Variants in F13A1 observed in about 807,000 individuals in gnomAD.
F13A1 encodes the protein FSF, A subunit.
Under a neutral mutation model 80.1 loss-of-function variants are expected in F13A1, and 47 were observed. That is an observed-to-expected ratio of 0.59 (90% confidence interval 0.46 to 0.75). The LOEUF is 0.75. Among genes scored for constraint, F13A1 ranks in the 30% least tolerant of loss-of-function variants. F13A1 has a pLI of 0.00. For missense variants in F13A1, 817 were observed against 930.4 expected (o/e 0.88, Z 1.59); for synonymous variants, 349 against 344.9 (o/e 1.01, Z -0.13).
At chr6:6,204,442 G>GTCTA (rs1761452027) in intron 8 of F13A1, among the ~76,000 whole-genome samples, 2 of 152,230 alleles carry the variant, frequency 1.3e-5, no homozygotes, top group African/African-American at 4.8e-5. Flanking sequence ...GAAAGGCACT[G>GTCTA]TCTATCTTGC....
rs914446893 is a variant in F13A1 at position 6,305,495 on chromosome 6, C to T, written c.175G>A (p.Asp59Asn). ...GTGTGGTGGTCCACCTTGTTAGTGTCCCATCTCTCCTTGAACAGGTGAACG... is the reference window on the plus strand; with the variant it reads ...GTGTGGTGGTCCACCTTGTTAGTGTTCCATCTCTCCTTGAACAGGTGAACG... Reference protein sequence around the residue: ...TSVHLFKERWDTNKVDHHTDK... With the variant: ...TSVHLFKERWNTNKVDHHTDK... The change falls in exon 3 of 15, where the codon GAC (aspartate) becomes AAC (asparagine). Residue 59 changes from aspartate to asparagine, a missense_variant. Transcript: ENST00000264870. 5.0e-6 allele frequency: 8 copies of T among 1,614,058 alleles called. No individual in the cohort carries two copies. The African/African-American group carries it at 9.3e-5, about 19-fold the overall frequency.
chr6:6,204,575 C>G (rs1761453824), intron 8 of F13A1, among the ~76,000 whole-genome samples: 1 of 152,168 alleles, frequency 6.6e-6, no homozygotes, highest in Admixed American at 6.5e-5. Flanking sequence ...TTATTAAGCT[C>G]TGGCCATTTC....
At chr6:6,247,118 T>C (rs1234375971) in intron 6 of F13A1, among the ~76,000 whole-genome samples, 1 of 152,206 alleles carries the variant, frequency 6.6e-6, no homozygotes, top group Non-Finnish European at 1.5e-5. Flanking sequence ...CATGTTGGTT[T>C]CTATTTTTAC....
In F13A1 at chr6:6,158,701, G is replaced by A. The variant is rs533130865; in HGVS notation, c.1909-6752C>T. On this transcript the variant is annotated intron_variant, in intron 13 of 14. Transcript: ENST00000264870. ...AGGAGGCTGGAGAGAGAACGTGCTC[G>A]GTTGTGGACATGGAGGGGAAAATGG... Among the ~76,000 whole-genome samples the A allele has an allele frequency of 8.5e-5, 13 of 152,174 alleles. No homozygotes were observed. The South Asian group carries it at 1.0e-3, about 12-fold the overall frequency.
chr6:6,180,365 C>T (rs1460335050), intron 11 of F13A1, among the ~76,000 whole-genome samples: 2 of 152,236 alleles, frequency 1.3e-5, no homozygotes, highest in Non-Finnish European at 2.9e-5. Flanking sequence ...ACAGTGAGGG[C>T]TGCCTTCTGC....
intron 3 of F13A1, among the ~76,000 whole-genome samples, chr6:6,288,622 A>G (rs1193745978): frequency 6.6e-6 from 1 of 152,216 alleles, no homozygotes; most frequent in Non-Finnish European, 1.5e-5. Context: ...ACATGAGACT[A>G]CATACATCTT....
chr6:6,209,627 A>C (rs1217609829), intron 8 of F13A1, among the ~76,000 whole-genome samples: 1 of 152,242 alleles, frequency 6.6e-6, no homozygotes, highest in East Asian at 1.9e-4. Context: ...GGATAAATAA[A>C]ACCTGGTTTA....
chr6:6,287,036 A>G (rs1443556255), intron 3 of F13A1, among the ~76,000 whole-genome samples: 1 of 152,218 alleles, frequency 6.6e-6, no homozygotes, highest in Non-Finnish European at 1.5e-5. Flanking sequence ...CAGTTCAAAG[A>G]GCTTCCAGTT....
At chr6:6,165,110 T>G (rs1760643657) in intron 13 of F13A1, among the ~76,000 whole-genome samples, 1 of 152,224 alleles carries the variant, frequency 6.6e-6, no homozygotes, top group African/African-American at 2.4e-5. Flanking sequence ...AAACTTGGCA[T>G]GGACAGAAGC....
chr6:6,220,921 A>G (rs1379653297), intron 8 of F13A1, among the ~76,000 whole-genome samples: 1 of 152,146 alleles, frequency 6.6e-6, no homozygotes, highest in Non-Finnish European at 1.5e-5. Flanking sequence ...GTGTGCCCCT[A>G]CTGGTGAGTT....
At chr6:6,244,360 T>A (rs567447647) in intron 6 of F13A1, among the ~76,000 whole-genome samples, 2 of 152,234 alleles carry the variant, frequency 1.3e-5, no homozygotes, top group South Asian at 4.1e-4. Context: ...ATTGCTTCTC[T>A]TTTTTTTCTT....
intron 2 of F13A1, among the ~76,000 whole-genome samples, chr6:6,307,093 C>G (rs1758523223): frequency 6.6e-6 from 1 of 152,028 alleles, no homozygotes; most frequent in African/African-American, 2.4e-5. Context: ...ATACTAATAC[C>G]CTGAGAAGGT....
chr6:6,292,819 G>T (rs771930406), intron 3 of F13A1, among the ~76,000 whole-genome samples: 6 of 152,166 alleles, frequency 3.9e-5, no homozygotes, highest in Non-Finnish European at 8.8e-5. Context: ...GCCCAGCTAG[G>T]GGGGATGCCC....
At chr6:6,295,482 T>C (rs1288456678) in intron 3 of F13A1, among the ~76,000 whole-genome samples, 4 of 146,924 alleles carry the variant, frequency 2.7e-5, no homozygotes, top group African/African-American at 1.1e-4. Flanking sequence ...GATTTGCATT[T>C]CTCTGATGGC....
chr6:6,180,241 C>A (rs1760956329), intron 11 of F13A1, among the ~76,000 whole-genome samples: 1 of 152,204 alleles, frequency 6.6e-6, no homozygotes, highest in African/African-American at 2.4e-5. Flanking sequence ...GCTTAGTGAG[C>A]CCATCACTAA....
chr6:6,219,856 G>C (rs367952256), intron 8 of F13A1, among the ~76,000 whole-genome samples: 1 of 152,202 alleles, frequency 6.6e-6, no homozygotes, highest in African/African-American at 2.4e-5. Context: ...TACTTGGGTT[G>C]ATGGAAACAT....
chr6:6,275,867 A>C (rs565684079), intron 3 of F13A1, among the ~76,000 whole-genome samples: 1 of 152,322 alleles, frequency 6.6e-6, no homozygotes, highest in Admixed American at 6.5e-5. Flanking sequence ...CCTAACCCAC[A>C]TGTGTGTTGC....
chr6:6,186,404 G>C (rs1032182661), intron 10 of F13A1, among the ~76,000 whole-genome samples: 5 of 152,132 alleles, frequency 3.3e-5, no homozygotes, highest in Admixed American at 6.5e-5. Flanking sequence ...TTTGTATAAG[G>C]TGTAAGGAAG....
chr6:6,302,290 C>CGGGATGTAA (rs1758444825), intron 3 of F13A1, among the ~76,000 whole-genome samples: 1 of 151,974 alleles, frequency 6.6e-6, no homozygotes, highest in African/African-American at 2.4e-5. Flanking sequence ...TTGTCATGCA[C>CGGGATGTAA]GGGATGTAAT....
Sources: gnomAD v4.1 joint callset for allele counts (sites outside exome capture counted in the v4.1 genomes callset) on GRCh38, gnomAD v4.1.1 for gene constraint, MANE v1.5 for transcripts, NCBI Gene and HGNC (gene_info 2026-07-23, HGNC 2026-07-21) for gene names.